Variants in PDE11A observed in about 807,000 individuals in gnomAD.
PDE11A encodes the protein dual 3',5'-cyclic-AMP and -GMP phosphodiesterase 11A.
In PDE11A, 100 loss-of-function variants were observed where a neutral mutation model predicts 100.5. That is an observed-to-expected ratio of 1.00 (90% CI 0.85 to 1.18). The LOEUF is 1.18. Among genes scored for constraint, PDE11A ranks in the 50% most tolerant of loss-of-function variants. The pLI, the probability that PDE11A is intolerant of heterozygous loss-of-function variation, is 0.00. For missense variants in PDE11A, 1,141 were observed against 1,152.6 expected, an observed-to-expected ratio of 0.99 and a Z score of 0.15; for synonymous variants, 381 against 420.8, an observed-to-expected ratio of 0.91 and a Z score of 1.16.
chr2:177,899,134 G>A (rs1380541148), intron 3 of PDE11A, among the ~76,000 whole-genome samples: 1 of 152,172 alleles, frequency 6.6e-6, no homozygotes, highest in South Asian at 2.1e-4. Flanking sequence ...TTGGCCGGGC[G>A]CAGTGGCTCA....
intron 6 of PDE11A, among the ~76,000 whole-genome samples, chr2:177,823,330 A>G (rs1315309781): frequency 1.3e-5 from 2 of 152,162 alleles, no homozygotes; most frequent in African/African-American, 2.4e-5. Flanking sequence ...GAGGATGTTC[A>G]AACACTATTG....
intron 5 of PDE11A, among the ~76,000 whole-genome samples, chr2:177,844,731 G>A (rs2083552927): frequency 6.6e-6 from 1 of 150,560 alleles, no homozygotes; most frequent in Non-Finnish European, 1.5e-5. Flanking sequence ...TTAGGGAGTG[G>A]TGATGACTCT....
rs149620574 is a variant in PDE11A at position 177,770,923 on chromosome 2, C to T, written c.1738-1550G>A. Among the ~76,000 whole-genome samples, 1,285 of 152,274 alleles carry T rather than the reference C, an allele frequency of 8.4e-3. 24 individuals carry two copies. Among genetic ancestry groups the T allele is most frequent in the African/African-American group, 0.029 (1,226 of 41,564 alleles). ...CTCACTGAAGCCTTGACCTCCTGAG[C>T]TCAAGCGATTCTCTCACCTCAGCAT... On this transcript the variant is annotated intron_variant, in intron 9 of 19. Transcript: ENST00000286063.
chr2:177,798,136 G>T (rs1289337121), intron 9 of PDE11A, among the ~76,000 whole-genome samples: 1 of 152,122 alleles, frequency 6.6e-6, no homozygotes, highest in Non-Finnish European at 1.5e-5. Context: ...CCTTCTCCAT[G>T]GAGCATTCCT....
intron 10 of PDE11A, among the ~76,000 whole-genome samples, chr2:177,756,071 C>T (rs1286687310): frequency 6.6e-6 from 1 of 152,182 alleles, no homozygotes. Flanking sequence ...GGAGATTTTA[C>T]ATCTGGGACC....
chr2:178,067,065 G>C (rs1456140848), intron 1 of PDE11A, among the ~76,000 whole-genome samples: 1 of 152,056 alleles, frequency 6.6e-6, no homozygotes. Context: ...TTTAGAATCT[G>C]AGTCATCATT....
At chr2:177,880,555 G>C (rs968249937) in intron 4 of PDE11A, among the ~76,000 whole-genome samples, 2 of 152,282 alleles carry the variant, frequency 1.3e-5, no homozygotes, top group Middle Eastern at 3.4e-3. Flanking sequence ...GTAGTAAACT[G>C]TAACTGTGAG....
intron 5 of PDE11A, among the ~76,000 whole-genome samples, chr2:177,867,562 T>C (rs1402755343): frequency 6.6e-6 from 1 of 152,016 alleles, no homozygotes; most frequent in Non-Finnish European, 1.5e-5. Context: ...ACCCCATCTC[T>C]ACTAAAAATA....
At chr2:178,021,211 C>T (rs996946947) in intron 1 of PDE11A, among the ~76,000 whole-genome samples, 1 of 152,086 alleles carries the variant, frequency 6.6e-6, no homozygotes, top group African/African-American at 2.4e-5. Context: ...ATCCACCTGC[C>T]TCGGCCTCCC....
rs190055671 is a variant in PDE11A, at chr2:177,957,067, A to T, written c.1072-51880T>A. Among the ~76,000 whole-genome samples, 1,157 of 152,154 alleles carry T rather than the reference A, an allele frequency of 7.6e-3. 17 individuals carry two copies. Among genetic ancestry groups the T allele is most frequent in the African/African-American group, 0.025 (1,042 of 41,542 alleles). The stretch of plus-strand genomic sequence containing the variant: ...AAAGTATAATAATAATAAAATAAAA[A>T]AAAAGAAAAGAGCAAAAAAACAAAA... On this transcript the variant is annotated intron_variant, in intron 2 of 19. Transcript: ENST00000286063.
intron 12 of PDE11A, among the ~76,000 whole-genome samples, chr2:177,715,929 G>A (rs1359949104): frequency 6.6e-6 from 1 of 152,158 alleles, no homozygotes; most frequent in Non-Finnish European, 1.5e-5. Context: ...GGAGATTGCT[G>A]TGTCTTATCA....
chr2:177,821,593 A>T (rs1338915489), intron 6 of PDE11A, among the ~76,000 whole-genome samples: 1 of 151,834 alleles, frequency 6.6e-6, no homozygotes, highest in African/African-American at 2.4e-5. Context: ...GAAGTGTATG[A>T]GAGTTCCAGT....
chr2:178,072,839 GC>G, upstream of PDE11A: 1 of 1,180,276 alleles, frequency 8.5e-7, no homozygotes, highest in Non-Finnish European at 1.1e-6. Context: ...GAGGCACGGA[GC>G]CTGGAGGGAG....
intron 2 of PDE11A, among the ~76,000 whole-genome samples, chr2:177,969,349 G>C (rs1399280611): frequency 6.6e-6 from 1 of 151,978 alleles, no homozygotes; most frequent in East Asian, 1.9e-4. Context: ...TGGGTTGATG[G>C]GTGTAGCAAA....
At chr2:177,698,134 G>C (rs1373446759) in intron 14 of PDE11A, among the ~76,000 whole-genome samples, 1 of 152,176 alleles carries the variant, frequency 6.6e-6, no homozygotes, top group East Asian at 1.9e-4. Context: ...GGTGCACTTT[G>C]ATGAAGTGTG....
chr2:177,713,341 C>T (rs2081384762), intron 12 of PDE11A, among the ~76,000 whole-genome samples: 1 of 152,124 alleles, frequency 6.6e-6, no homozygotes, highest in African/African-American at 2.4e-5. Flanking sequence ...GACTTGGGTC[C>T]ACTGCTACAT....
chr2:177,846,156 C>G (rs2083599006), intron 5 of PDE11A, among the ~76,000 whole-genome samples: 1 of 152,114 alleles, frequency 6.6e-6, no homozygotes, highest in African/African-American at 2.4e-5. Flanking sequence ...TCTTTACAAA[C>G]AAAAGGTAAT....
chr2:177,735,069 G>A lies in PDE11A; in HGVS notation c.1789-6897C>T, dbSNP rs543963662. Among the ~76,000 whole-genome samples, 11 of 152,314 alleles carry A rather than the reference G, an allele frequency of 7.2e-5. No homozygotes were observed. In the South Asian group the frequency reaches 1.2e-3, roughly 17 times the overall value. ...TAAAATTAGTGTGGTCCCTGTGCTC[G>A]CAGCCTGTCAGAGGATACAGAGAAG... On this transcript the variant is annotated intron_variant, in intron 10 of 19. Transcript: ENST00000286063.
At chr2:178,034,215 T>C (rs1197508587) in intron 1 of PDE11A, among the ~76,000 whole-genome samples, 1 of 151,476 alleles carries the variant, frequency 6.6e-6, no homozygotes, top group Non-Finnish European at 1.5e-5. Context: ...ACCAAGCAAA[T>C]GGAAAGCAAA....
Sources: allele counts gnomAD v4.1 joint callset (sites outside exome capture counted in the v4.1 genomes callset), GRCh38; gene constraint gnomAD v4.1.1; transcripts MANE v1.5; gene names NCBI Gene and HGNC (gene_info 2026-07-23, HGNC 2026-07-21).